The following NDUFS1 variants were observed in gnomAD, a reference collection of about 807,000 sequenced individuals.
NDUFS1 encodes the protein NADH:ubiquinone oxidoreductase core subunit S1.
A neutral mutation model predicts 84.4 loss-of-function variants in NDUFS1; 61 were observed. The ratio of observed to expected loss-of-function variants is 0.72; its 90% CI spans 0.59 to 0.89. NDUFS1 has a LOEUF of 0.89. Among genes scored for constraint, NDUFS1 ranks in the 40% least tolerant of loss-of-function variants. NDUFS1 has a pLI of 0.00. For synonymous variants in NDUFS1, 275 were observed against 290.0 expected (o/e 0.95, Z 0.53); for missense variants, 891 against 890.0 (o/e 1.00, Z -0.01).
chr2:206,135,641 ACTCC>A (rs1241115058), intron 13 of NDUFS1, among the ~76,000 whole-genome samples: 2 of 151,850 alleles, frequency 1.3e-5, no homozygotes, highest in South Asian at 4.2e-4. Context: ...ACCGTACTGC[ACTCC>A]AGCCTGGGGA....
intron 18 of NDUFS1, among the ~76,000 whole-genome samples, chr2:206,125,010 C>G (rs1459564141): frequency 6.6e-6 from 1 of 151,928 alleles, no homozygotes; most frequent in Non-Finnish European, 1.5e-5. Flanking sequence ...AGTGAATAAT[C>G]TCACTTTTTT....
intron 14 of NDUFS1, among the ~76,000 whole-genome samples, chr2:206,131,234 G>C (rs1209009467): frequency 4.6e-5 from 7 of 152,114 alleles, no homozygotes; most frequent in African/African-American, 1.7e-4. Context: ...TATATCCTAA[G>C]AAGATAATTT....
chr2:206,135,440 C>T (rs1190768060), intron 13 of NDUFS1, among the ~76,000 whole-genome samples: 3 of 151,894 alleles, frequency 2.0e-5, no homozygotes, highest in African/African-American at 7.3e-5. Flanking sequence ...TTTGGGAGGC[C>T]GACACGGGCA....
At chr2:206,152,251 A>G (rs924898388) in intron 3 of NDUFS1, among the ~76,000 whole-genome samples, 168 bp downstream of exon 3, 5 of 152,246 alleles carry the variant, frequency 3.3e-5, no homozygotes, top group African/African-American at 1.2e-4. Flanking sequence ...CAAATATATG[A>G]TAGCTCACTT....
In NDUFS1 at chr2:206,144,892, C is replaced by G; in HGVS notation, c.872G>C (p.Arg291Thr). 1 of 1,613,520 alleles carries G rather than the reference C, an allele frequency of 6.2e-7. No individual in the cohort carries two copies. Reference protein sequence around the residue: ...INEEWISDKTRFAYDGLKRQR... With the variant: ...INEEWISDKTTFAYDGLKRQR... The stretch of plus-strand genomic sequence containing the variant: ...TTAAGGAAAACAATATAGCATATAC[C>G]TGGTTTTATCAGAGATCCACTCTTC... Residue 291 changes from arginine (R) to threonine (T), a missense_variant and splice_region_variant, in exon 9 of 19, where the codon AGA (arginine) becomes ACA (threonine). Physicochemically the swap from Arg to Thr is moderately conservative, Grantham distance 71. Coordinates refer to ENST00000233190, the MANE Select transcript of NDUFS1 (RefSeq NM_005006.7).
At position 206,116,477 on chromosome 2, in the gene NDUFS1, G is replaced by T; in HGVS notation, c.*7708C>A. On this transcript the variant is annotated 3_prime_UTR_variant, in exon 19 of 19. Transcript: ENST00000233190. The stretch of plus-strand genomic sequence containing the variant: ...GCAGGCTGCAGAGCACGGCCCGCAC[G>T]CTCCGCACCACTCGCAGCGCCATGT... The T allele has an allele frequency of 1.7e-6, 2 of 1,200,376 alleles. No individual in the cohort carries two copies. The highest frequency in any genetic ancestry group is 2.4e-6 in the Non-Finnish European group (2 of 842,666). 74.4% of individuals were successfully genotyped at this position (1,200,376 alleles called of 1,614,324 possible). A position where few individuals can be genotyped will look rare whatever the true frequency, so the allele number is the denominator to read the frequency against.
intron 11 of NDUFS1, 113 bp from the exon 12 acceptor site, chr2:206,142,182 TG>T: frequency 3.4e-6 from 3 of 887,476 alleles, no homozygotes; most frequent in Non-Finnish European, 5.4e-6. Context: ...AAAAATTTTA[TG>T]AAGTATTTCT....
Position 206,149,033 on chromosome 2 carries a change from A to G in NDUFS1, c.325T>C (p.Ser109Pro). The G allele has an allele frequency of 6.2e-7, 1 of 1,611,526 alleles. No homozygotes were observed. The highest frequency in any genetic ancestry group is 8.5e-7 in the Non-Finnish European group (1 of 1,178,382). The change falls in exon 5 of 19, where the codon TCC becomes CCC. Residue 109 changes from serine (S) to proline (P), a missense_variant. Physicochemically the swap from Ser to Pro is moderately conservative, Grantham distance 74. Coordinates refer to ENST00000233190, the MANE Select transcript of NDUFS1 (RefSeq NM_005006.7). Reference protein sequence around the residue: ...GWNILTNSEKSKKAREGVMEF... With the variant: ...GWNILTNSEKPKKAREGVMEF... Reference sequence around the variant, plus strand: ...ACAATAAAGTACCTGGCTTTTTTGGATTTTTCTGAGTTTGTTAGGATATTC... The same window carrying G: ...ACAATAAAGTACCTGGCTTTTTTGGGTTTTTCTGAGTTTGTTAGGATATTC...
intron 1 of NDUFS1, among the ~76,000 whole-genome samples, chr2:206,157,964 T>TTCTTC (rs66531843): frequency 8.5e-5 from 3 of 35,198 alleles, no homozygotes; most frequent in South Asian, 1.0e-3. Flanking sequence ...TTTCAATAGC[T>TTCTTC]TTTTTTTTTT....
chr2:206,158,839 TA>T (rs1236638189), intron 1 of NDUFS1, among the ~76,000 whole-genome samples: 3 of 152,068 alleles, frequency 2.0e-5, no homozygotes, highest in Non-Finnish European at 1.5e-5. Context: ...GTTAAAGGAA[TA>T]AAAAAATGCT....
At position 206,149,005 on chromosome 2, in the gene NDUFS1, A is replaced by G. The variant is rs1178723205; in HGVS notation, c.338+15T>C. ...GCTTTATGAAAGGGTACTACATTGA[A>G]TAACAATAAAGTACCTGGCTTTTTT... is the stretch of plus-strand genomic sequence containing the variant. On this transcript the variant is annotated intron_variant, in intron 5 of 18. Coordinates refer to ENST00000233190, the MANE Select transcript of NDUFS1 (RefSeq NM_005006.7). The G allele has an allele frequency of 1.9e-6, 3 of 1,576,624 alleles. No homozygotes were observed. Among genetic ancestry groups the G allele is most frequent in the East Asian group, 4.5e-5 (2 of 44,636 alleles).
At chr2:206,146,533 AAT>A (rs1045054659) in intron 8 of NDUFS1, among the ~76,000 whole-genome samples, 1 of 152,224 alleles carries the variant, frequency 6.6e-6, no homozygotes, top group African/African-American at 2.4e-5. Flanking sequence ...ATCATAAAGA[AAT>A]ATACAAGCTA....
chr2:206,148,348 G>A (rs543868895), intron 5 of NDUFS1, among the ~76,000 whole-genome samples: 215 of 151,576 alleles, frequency 1.4e-3, no homozygotes, highest in Non-Finnish European at 2.7e-3. Context: ...TTTAAGAGAC[G>A]GGGTCTTGCT....
rs72944827 is a variant in NDUFS1 at position 206,142,790 on chromosome 2, A to C, written c.1029T>G (p.Gly343=). Residue 343 remains glycine (G), a synonymous_variant, in exon 11 of 19, where the codon GGT becomes GGG. Transcript: ENST00000233190. ...FQGKDVAAIA[G]GLVDAEALVA... Reference sequence around the variant, plus strand: ...CCAGGGCTTCAGCATCCACCAAGCCACCTGCAATTGCTGCCACATCTTTGC... The same window carrying C: ...CCAGGGCTTCAGCATCCACCAAGCCCCCTGCAATTGCTGCCACATCTTTGC... The C allele has an allele frequency of 1.8e-4, 285 of 1,614,226 alleles. No homozygotes were observed. The highest frequency in any genetic ancestry group is 2.7e-4 in the Admixed American group (16 of 60,016).
chr2:206,125,785 C>T (rs1165681039), intron 18 of NDUFS1, among the ~76,000 whole-genome samples: 1 of 152,018 alleles, frequency 6.6e-6, no homozygotes, highest in African/African-American at 2.4e-5. Context: ...CAAGACTTAT[C>T]TTTTCTGCAC....
chr2:206,130,029 T>G (rs1691443441), intron 15 of NDUFS1, 59 bp downstream of exon 15: 1 of 1,597,026 alleles, frequency 6.3e-7, no homozygotes, highest in Admixed American at 1.7e-5. Flanking sequence ...TACTAAATGG[T>G]TTCTAACATA....
Position 206,132,971 on chromosome 2 carries a change from A to G in NDUFS1, c.1527T>C (p.Asp509=). ...KIRMTSGVTG[D]WKVMNILHRI... ...TATGAAGGATATTCATAACTTTCCA[A>G]TCACCAGTAACACCACTAGTCATCC... Residue 509 remains aspartate, a synonymous_variant, in exon 14 of 19, where the codon GAT becomes GAC. Transcript: ENST00000233190. The G allele has an allele frequency of 2.5e-6, 4 of 1,614,004 alleles. No homozygotes were observed. Among genetic ancestry groups the G allele is most frequent in the East Asian group, 2.2e-5 (1 of 44,854 alleles).
chr2:206,129,955 A>C, intron 15 of NDUFS1, 133 bp downstream of exon 15: 1 of 962,660 alleles, frequency 1.0e-6, no homozygotes, highest in East Asian at 2.5e-5. Context: ...TGTTTAAAAA[A>C]AAAGGAGGAG....
intron 15 of NDUFS1, among the ~76,000 whole-genome samples, chr2:206,129,068 G>A (rs7600827): frequency 0.026 from 3,997 of 152,032 alleles, 179 homozygotes; most frequent in African/African-American, 0.092. Context: ...ACTGGCAGAA[G>A]AAAAAAGTTA....
Sources: gnomAD v4.1 joint callset for allele counts (sites outside exome capture counted in the v4.1 genomes callset) on GRCh38, gnomAD v4.1.1 for gene constraint, MANE v1.5 for transcripts, NCBI Gene and HGNC (gene_info 2026-07-23, HGNC 2026-07-21) for gene names.